The following ZFAND6 variants were observed in gnomAD, a reference collection of about 807,000 sequenced individuals.
The protein encoded by ZFAND6 is zinc finger AN1-type containing 6.
ZFAND6 carries 12 observed loss-of-function variants against 24.5 expected under a neutral mutation model. The observed-to-expected ratio is 0.49, with a 90% CI of 0.31 to 0.79. The LOEUF (loss-of-function observed/expected upper bound fraction) is 0.79. Among genes scored for constraint, ZFAND6 ranks in the 30% least tolerant of loss-of-function variants. ZFAND6 has a pLI of 0.04. For synonymous variants in ZFAND6, 92 were observed against 81.5 expected (o/e 1.13, Z -0.69); for missense variants, 207 against 245.9 (o/e 0.84, Z 1.06).
At chr15:80,113,697 G>GT (rs1039187038) in intron 2 of ZFAND6, among the ~76,000 whole-genome samples, 2 of 152,220 alleles carry the variant, frequency 1.3e-5, no homozygotes, top group East Asian at 1.9e-4. Flanking sequence ...AATGAAGTGT[G>GT]TTTACTCAAC....
intron 1 of ZFAND6, among the ~76,000 whole-genome samples, chr15:80,067,815 GATGT>G (rs1362942369): frequency 4.6e-5 from 7 of 152,062 alleles, no homozygotes; most frequent in Non-Finnish European, 8.8e-5. Context: ...AGTCTGAACT[GATGT>G]ATTAAGTTTG....
intron 5 of ZFAND6, 171 bp from the exon 6 acceptor site, chr15:80,131,009 A>C: frequency 2.1e-6 from 1 of 484,244 alleles, no homozygotes; most frequent in Non-Finnish European, 3.7e-6. Flanking sequence ...ATATACATAC[A>C]TTTAACAAAA....
chr15:80,075,340 GTT>G (rs751545934), intron 1 of ZFAND6: 15 of 228,148 alleles, frequency 6.6e-5, no homozygotes, highest in Non-Finnish European at 1.2e-4. Context: ...TGTAGTGAAA[GTT>G]TAGCTGTTGA....
chr15:80,118,270 A>T (rs2039984352), intron 2 of ZFAND6, among the ~76,000 whole-genome samples: 1 of 151,960 alleles, frequency 6.6e-6, no homozygotes, highest in Admixed American at 6.6e-5. Context: ...CTACAGGCAC[A>T]CGCCGCCACA....
At chr15:80,131,091 C>T (rs1366049296) in intron 5 of ZFAND6, 89 bp from the exon 6 acceptor site, 3 of 970,536 alleles carry the variant, frequency 3.1e-6, no homozygotes, top group African/African-American at 1.6e-5. Flanking sequence ...TCCTCAGTAT[C>T]CTCTGAATAA....
chr15:80,109,071 A>G (rs2039479663), intron 2 of ZFAND6, among the ~76,000 whole-genome samples: 1 of 152,138 alleles, frequency 6.6e-6, no homozygotes, highest in African/African-American at 2.4e-5. Flanking sequence ...TAGGTGGCAC[A>G]CCTTGCTGAC....
intron 1 of ZFAND6, among the ~76,000 whole-genome samples, chr15:80,097,174 G>A (rs949847651): frequency 6.6e-6 from 1 of 151,284 alleles, no homozygotes; most frequent in Non-Finnish European, 1.5e-5. Flanking sequence ...TAATTTTTGT[G>A]TTATTTGTAG....
intron 5 of ZFAND6, among the ~76,000 whole-genome samples, chr15:80,127,166 A>G (rs551893361): frequency 4.6e-5 from 7 of 152,328 alleles, no homozygotes; most frequent in East Asian, 3.9e-4. Context: ...CTTTGAAATC[A>G]TATATGTGAT....
intron 1 of ZFAND6, among the ~76,000 whole-genome samples, chr15:80,069,551 GGAGA>G (rs1253140274): frequency 6.6e-6 from 1 of 151,904 alleles, no homozygotes. Flanking sequence ...TAAGGAGTCA[GGAGA>G]GATACACCAG....
intron 6 of ZFAND6, among the ~76,000 whole-genome samples, chr15:80,136,715 T>C (rs775218811): frequency 8.5e-5 from 13 of 152,218 alleles, no homozygotes; most frequent in Non-Finnish European, 1.8e-4. Flanking sequence ...AATTGTATCA[T>C]ACCATAAAAT....
chr15:80,085,222 C>T (rs1053557641), intron 1 of ZFAND6, among the ~76,000 whole-genome samples: 1 of 152,160 alleles, frequency 6.6e-6, no homozygotes, highest in Non-Finnish European at 1.5e-5. Context: ...CTCCATCGTT[C>T]TTTCACGTTC....
At chr15:80,073,193 T>A (rs2037074120) in intron 1 of ZFAND6, 1 of 189,546 alleles carries the variant, frequency 5.3e-6, no homozygotes. Context: ...TGCTCATAAT[T>A]AAAAAGGCCA....
chr15:80,098,418 A>G lies in ZFAND6; in HGVS notation c.-178A>G, dbSNP rs1394364579. On this transcript the variant is annotated splice_region_variant and 5_prime_UTR_variant, in exon 2 of 7. An upstream start codon of the reference 5' UTR is lost. Transcript: ENST00000261749. ...GTTTCATGTTAAATGTGTTACAGGA[A>G]TGAATCTGAAGTCTGCTGCAGTAAA... 1 of 152,220 alleles carries G rather than the reference A, an allele frequency of 6.6e-6. No homozygotes were observed. The highest frequency in any genetic ancestry group is 2.4e-5 in the African/African-American group (1 of 41,464). The allele number at this position is 152,220 out of a possible 1,614,324, so 9.4% of individuals were successfully genotyped here. A position where few individuals can be genotyped will look rare whatever the true frequency, so the allele number is the denominator to read the frequency against.
In ZFAND6 at chr15:80,115,385, AC is replaced by A. The variant is rs560467937; in HGVS notation, c.-17-4942del. ...TTAAAGTATCTGGTAGAGTGATCTT[AC>A]TCTCTGTCTCTGGATTTGTGGTTTT... On this transcript the variant is annotated intron_variant, in intron 2 of 6. Transcript: ENST00000261749. Among the ~76,000 whole-genome samples the A allele has an allele frequency of 1.2e-4, 19 of 152,142 alleles. No homozygotes were observed. In the East Asian group the frequency reaches 3.1e-3, roughly 25 times the overall value.
At chr15:80,097,974 A>G (rs2038828372) in intron 1 of ZFAND6, among the ~76,000 whole-genome samples, 1 of 152,210 alleles carries the variant, frequency 6.6e-6, no homozygotes, top group Admixed American at 6.5e-5. Flanking sequence ...AATGTCAGCA[A>G]CATGGCTCCT....
chr15:80,091,160 G>GTGTGTGTGTGTGT (rs1555430411), intron 1 of ZFAND6, among the ~76,000 whole-genome samples: 1 of 150,166 alleles, frequency 6.7e-6, no homozygotes, highest in African/African-American at 2.4e-5. Context: ...GTTGTTAAGG[G>GTGTGTGTGTGTGT]GTGTGTGTGT....
chr15:80,091,840 G>A (rs913013252), intron 1 of ZFAND6, among the ~76,000 whole-genome samples: 3 of 151,940 alleles, frequency 2.0e-5, no homozygotes, highest in Admixed American at 2.0e-4. Context: ...GAATCTTGCC[G>A]TATTGCCCAG....
At chr15:80,083,018 GTC>G (rs1297904846) in intron 1 of ZFAND6, among the ~76,000 whole-genome samples, 2 of 152,046 alleles carry the variant, frequency 1.3e-5, no homozygotes, top group Non-Finnish European at 2.9e-5. Context: ...TTGAAATGGA[GTC>G]TCACTCTGTC....
intron 1 of ZFAND6, among the ~76,000 whole-genome samples, chr15:80,068,017 AGT>A: frequency 6.6e-6 from 1 of 152,200 alleles, no homozygotes; most frequent in East Asian, 1.9e-4. Context: ...GCTGGAGTGC[AGT>A]GGCACAATCT....
Sources: gnomAD v4.1 joint callset for allele counts (sites outside exome capture counted in the v4.1 genomes callset) on GRCh38, gnomAD v4.1.1 for gene constraint, MANE v1.5 for transcripts, NCBI Gene and HGNC (gene_info 2026-07-23, HGNC 2026-07-21) for gene names.